Variants in DACH1 observed in about 807,000 individuals in gnomAD.
DACH1 encodes dachshund homolog 1.
Under a neutral mutation model 54.2 loss-of-function variants are expected in DACH1, and 12 were observed. That is an observed-to-expected ratio of 0.22 (90% CI 0.14 to 0.36). The LOEUF (loss-of-function observed/expected upper bound fraction) is 0.36. Ranked by LOEUF, DACH1 falls within the 10% of genes least tolerant of loss-of-function variation. DACH1 has a pLI of 1.00. For missense variants in DACH1, 805 were observed against 929.8 expected (o/e 0.87, Z 1.75); for synonymous variants, 386 against 366.2 (o/e 1.05, Z -0.62).
intron 3 of DACH1, among the ~76,000 whole-genome samples, chr13:71,592,697 T>G (rs1345801603): frequency 6.6e-6 from 1 of 151,958 alleles, no homozygotes; most frequent in African/African-American, 2.4e-5. Flanking sequence ...TAAAAGGGAA[T>G]ACAATTTGAA....
intron 1 of DACH1, among the ~76,000 whole-genome samples, chr13:71,856,722 C>A (rs1344871323): frequency 6.6e-6 from 1 of 151,882 alleles, no homozygotes; most frequent in African/African-American, 2.4e-5. Context: ...TGCCTGCTTG[C>A]ACTCTTACCG....
intron 1 of DACH1, among the ~76,000 whole-genome samples, chr13:71,844,017 C>G (rs1015934298): frequency 2.6e-5 from 4 of 152,108 alleles, no homozygotes; most frequent in Admixed American, 6.5e-5. Flanking sequence ...CCCATTAAGA[C>G]AGAAGTCTCT....
intron 2 of DACH1, among the ~76,000 whole-genome samples, chr13:71,660,708 A>C (rs1455972577): frequency 6.6e-6 from 1 of 151,956 alleles, no homozygotes; most frequent in African/African-American, 2.4e-5. Context: ...AATCTCTAAA[A>C]TATTTTTATG....
intron 1 of DACH1, among the ~76,000 whole-genome samples, chr13:71,730,258 G>A (rs1883678009): frequency 6.6e-6 from 1 of 151,894 alleles, no homozygotes; most frequent in African/African-American, 2.4e-5. Context: ...GTGAAAACAA[G>A]TTCTAAGAAA....
intron 3 of DACH1, among the ~76,000 whole-genome samples, chr13:71,593,996 T>G: frequency 6.6e-6 from 1 of 151,424 alleles, no homozygotes. Context: ...AAACCTATAT[T>G]GACCATTTTA....
intron 1 of DACH1, among the ~76,000 whole-genome samples, chr13:71,770,907 G>T (rs963437044): frequency 4.0e-5 from 6 of 151,514 alleles, no homozygotes; most frequent in African/African-American, 1.4e-4. Flanking sequence ...ACTCTCATTA[G>T]ATTGGAATTT....
At chr13:71,852,598 A>G (rs1007884841) in intron 1 of DACH1, among the ~76,000 whole-genome samples, 2 of 152,232 alleles carry the variant, frequency 1.3e-5, no homozygotes, top group Non-Finnish European at 2.9e-5. Flanking sequence ...GTAAGTTTAC[A>G]TTGTTTGGAG....
intron 1 of DACH1, among the ~76,000 whole-genome samples, chr13:71,771,959 C>T (rs1056628998): frequency 4.0e-5 from 6 of 150,272 alleles, no homozygotes; most frequent in Non-Finnish European, 7.4e-5. Context: ...TTCACAATAA[C>T]GTGTTATCTA....
intron 3 of DACH1, among the ~76,000 whole-genome samples, chr13:71,600,507 T>C (rs1874415655): frequency 6.6e-6 from 1 of 151,994 alleles, no homozygotes; most frequent in Non-Finnish European, 1.5e-5. Context: ...ATAATATATA[T>C]CATGTGCATA....
At chr13:71,865,790 G>A in intron 1 of DACH1, 132 bp downstream of exon 1, 3 of 1,293,746 alleles carry the variant, frequency 2.3e-6, no homozygotes, top group Non-Finnish European at 2.9e-6. Flanking sequence ...GCAGGGAGAG[G>A]AGAGGGCCGC....
In DACH1 at chr13:71,489,099, G is replaced by C. The variant is rs369587914; in HGVS notation, c.1620C>G (p.Leu540=). Residue 540 remains leucine, a synonymous_variant, in exon 7 of 11, where the codon CTC becomes CTG. Transcript: ENST00000613252. ...GTGGTTGTCCATGCCCAGTTAGAGA[G>C]AGTTTGTCAAGGCTGTCTCTTGCGG... The part of the protein sequence containing the change: ...TPTARDSLDK[L]SLTGHGQPLP... 1.9e-6 allele frequency: 3 copies of C among 1,613,794 alleles called. No homozygotes were observed. Among genetic ancestry groups the C allele is most frequent in the South Asian group, 1.1e-5 (1 of 91,062 alleles).
intron 2 of DACH1, among the ~76,000 whole-genome samples, chr13:71,637,113 G>A (rs570678534): frequency 6.6e-6 from 1 of 152,150 alleles, no homozygotes; most frequent in East Asian, 1.9e-4. Context: ...AGTGGCTGGG[G>A]GGAGAGAGAC....
chr13:71,498,182 A>C (rs559128062), intron 6 of DACH1, among the ~76,000 whole-genome samples: 1 of 152,314 alleles, frequency 6.6e-6, no homozygotes, highest in African/African-American at 2.4e-5. Context: ...ACTATCACCT[A>C]TATCAGTGAG....
At chr13:71,638,690 C>A (rs74096983) in intron 2 of DACH1, among the ~76,000 whole-genome samples, 1,725 of 152,128 alleles carry the variant, frequency 0.011, 23 homozygotes, top group African/African-American at 0.035. Flanking sequence ...AGCAATATAA[C>A]CAAGACAGAT....
chr13:71,693,670 A>G (rs1382944072), intron 1 of DACH1, among the ~76,000 whole-genome samples: 1 of 151,996 alleles, frequency 6.6e-6, no homozygotes, highest in East Asian at 1.9e-4. Flanking sequence ...TCTGAAAATA[A>G]GTATGGTACA....
intron 1 of DACH1, among the ~76,000 whole-genome samples, chr13:71,851,986 A>G (rs1271479558): frequency 6.6e-6 from 1 of 152,200 alleles, no homozygotes; most frequent in East Asian, 1.9e-4. Flanking sequence ...TAGTTAAACT[A>G]CACGTTTACA....
At chr13:71,692,711 CG>C (rs1376301571) in intron 1 of DACH1, among the ~76,000 whole-genome samples, 1 of 151,330 alleles carries the variant, frequency 6.6e-6, no homozygotes, top group Admixed American at 6.6e-5. Context: ...TTAGTAGAGA[CG>C]GGGTTTCACC....
chr13:71,561,539 C>A (rs1007643366), intron 4 of DACH1, among the ~76,000 whole-genome samples: 1 of 152,082 alleles, frequency 6.6e-6, no homozygotes, highest in Non-Finnish European at 1.5e-5. Flanking sequence ...CTATAGAAAG[C>A]GAAGGATTCT....
At chr13:71,753,744 G>A (rs1203540237) in intron 1 of DACH1, among the ~76,000 whole-genome samples, 1 of 152,024 alleles carries the variant, frequency 6.6e-6, no homozygotes, top group Non-Finnish European at 1.5e-5. Flanking sequence ...TATCTGCAAT[G>A]GTTTATTCTT....
Sources: allele counts gnomAD v4.1 joint callset (sites outside exome capture counted in the v4.1 genomes callset), GRCh38; gene constraint gnomAD v4.1.1; transcripts MANE v1.5; gene names NCBI Gene and HGNC (gene_info 2026-07-23, HGNC 2026-07-21).